Variants in CNTN4 observed in about 807,000 individuals in gnomAD.
CNTN4 encodes the protein contactin-4.
Under a neutral mutation model 122.5 loss-of-function variants are expected in CNTN4, and 77 were observed. That is an observed-to-expected ratio of 0.63 (90% CI 0.52 to 0.76). The LOEUF (loss-of-function observed/expected upper bound fraction) is 0.76. CNTN4 is among the 30% of genes least tolerant of loss of function. CNTN4 has a pLI of 0.00. For missense variants in CNTN4, 1,256 were observed against 1,259.1 expected, an observed-to-expected ratio of 1.00 and a Z score of 0.04; for synonymous variants, 512 against 447.0, an observed-to-expected ratio of 1.15 and a Z score of -1.83.
intron 3 of CNTN4, among the ~76,000 whole-genome samples, chr3:2,409,555 T>G: frequency 6.6e-6 from 1 of 152,148 alleles, no homozygotes; most frequent in Non-Finnish European, 1.5e-5. Context: ...CCTCTAGATA[T>G]CTTTTCAATA....
intron 15 of CNTN4, 149 bp from the exon 16 acceptor site, chr3:3,030,706 C>T (rs900929886): frequency 4.3e-6 from 4 of 931,502 alleles, no homozygotes; most frequent in Non-Finnish European, 6.8e-6. Flanking sequence ...CAGGCAGGCT[C>T]ACATATTTTT....
intron 3 of CNTN4, among the ~76,000 whole-genome samples, chr3:2,364,462 T>C (rs1410700663): frequency 6.6e-6 from 1 of 152,134 alleles, no homozygotes; most frequent in Non-Finnish European, 1.5e-5. Context: ...CTGGAATCTT[T>C]GGAAGTGTTG....
intron 13 of CNTN4, among the ~76,000 whole-genome samples, chr3:2,964,170 T>C (rs1332239650): frequency 2.0e-5 from 3 of 152,192 alleles, no homozygotes; most frequent in Non-Finnish European, 2.9e-5. Context: ...ACACAATATG[T>C]GAGCTTTTCC....
intron 14 of CNTN4, chr3:2,998,957 T>C (rs1186484194): frequency 1.3e-5 from 2 of 152,242 alleles, no homozygotes; most frequent in Non-Finnish European, 2.9e-5. Flanking sequence ...TAAAATTATG[T>C]TGTAATTATA....
At chr3:2,803,157 T>G (rs187678043) in intron 6 of CNTN4, among the ~76,000 whole-genome samples, 22 of 152,342 alleles carry the variant, frequency 1.4e-4, no homozygotes, top group African/African-American at 4.8e-4. Context: ...TCAGAATGAT[T>G]AAATGTGAAT....
chr3:2,211,304 C>T (rs575199772), intron 2 of CNTN4, among the ~76,000 whole-genome samples: 7 of 152,176 alleles, frequency 4.6e-5, no homozygotes, highest in South Asian at 2.1e-4. Context: ...TCCAAACACC[C>T]CACCAGGCCC....
intron 4 of CNTN4, among the ~76,000 whole-genome samples, chr3:2,686,649 G>A (rs111512388): frequency 2.6e-5 from 4 of 152,252 alleles, no homozygotes; most frequent in African/African-American, 7.2e-5. Flanking sequence ...CTATTTGTGT[G>A]TGTGTCTGTG....
At chr3:2,313,539 G>A (rs1314487460) in intron 2 of CNTN4, among the ~76,000 whole-genome samples, 5 of 151,938 alleles carry the variant, frequency 3.3e-5, no homozygotes, top group East Asian at 3.9e-4. Flanking sequence ...CCTTTACCAA[G>A]CAGCATAATT....
chr3:2,657,617 C>T (rs982250560), intron 4 of CNTN4, among the ~76,000 whole-genome samples: 3 of 152,192 alleles, frequency 2.0e-5, no homozygotes, highest in South Asian at 2.1e-4. Context: ...TGTAAACCTA[C>T]GTATTTAGCT....
chr3:3,011,982 A>G (rs567247944), intron 14 of CNTN4, among the ~76,000 whole-genome samples: 1 of 152,280 alleles, frequency 6.6e-6, no homozygotes, highest in East Asian at 1.9e-4. Context: ...ATATGCAACC[A>G]CAGGAATATT....
intron 9 of CNTN4, among the ~76,000 whole-genome samples, chr3:2,883,844 CT>C (rs2093939291): frequency 6.6e-6 from 1 of 152,214 alleles, no homozygotes; most frequent in South Asian, 2.1e-4. Context: ...AACTAGCTAA[CT>C]TTTCCTTACA....
chr3:3,011,400 TCA>T (rs1332699586), intron 14 of CNTN4, among the ~76,000 whole-genome samples: 5 of 152,162 alleles, frequency 3.3e-5, no homozygotes, highest in African/African-American at 1.2e-4. Flanking sequence ...TCAGCATTTT[TCA>T]CAGTGTCTGA....
At chr3:2,839,699 G>T (rs986292023) in intron 7 of CNTN4, among the ~76,000 whole-genome samples, 1 of 152,144 alleles carries the variant, frequency 6.6e-6, no homozygotes, top group Non-Finnish European at 1.5e-5. Flanking sequence ...TCAATAAGGG[G>T]CAGGGCATTG....
intron 8 of CNTN4, among the ~76,000 whole-genome samples, chr3:2,881,885 T>C (rs2093915145): frequency 6.6e-6 from 1 of 152,252 alleles, no homozygotes; most frequent in South Asian, 2.1e-4. Context: ...CCTCTGACTA[T>C]GGGAAGCCTA....
chr3:2,741,370 G>T (rs987403928), intron 5 of CNTN4, among the ~76,000 whole-genome samples: 1 of 152,116 alleles, frequency 6.6e-6, no homozygotes, highest in Admixed American at 6.6e-5. Flanking sequence ...GAGGGTGAAT[G>T]GTTCTTTCAT....
chr3:2,478,135 G>A (rs866059249), intron 3 of CNTN4, among the ~76,000 whole-genome samples: 23 of 152,126 alleles, frequency 1.5e-4, no homozygotes, highest in Non-Finnish European at 2.5e-4. Flanking sequence ...TAGATGATGC[G>A]TTGACTTGAA....
intron 4 of CNTN4, among the ~76,000 whole-genome samples, chr3:2,610,964 T>C (rs889723464): frequency 6.6e-6 from 1 of 152,110 alleles, no homozygotes; most frequent in African/African-American, 2.4e-5. Flanking sequence ...GTAAATAATT[T>C]TCCCTTTTTT....
At chr3:2,151,148 C>T (rs1475505900) in intron 2 of CNTN4, among the ~76,000 whole-genome samples, 1 of 152,152 alleles carries the variant, frequency 6.6e-6, no homozygotes, top group Non-Finnish European at 1.5e-5. Context: ...TGGTCTGGAA[C>T]TCCTGACCTC....
intron 3 of CNTN4, among the ~76,000 whole-genome samples, chr3:2,506,344 C>A (rs1014534743): frequency 6.6e-6 from 1 of 152,170 alleles, no homozygotes; most frequent in Non-Finnish European, 1.5e-5. Flanking sequence ...TGGAGCACCA[C>A]GTTAGTGAAA....
Sources: gnomAD v4.1 joint callset for allele counts (sites outside exome capture counted in the v4.1 genomes callset) on GRCh38, gnomAD v4.1.1 for gene constraint, MANE v1.5 for transcripts, NCBI Gene and HGNC (gene_info 2026-07-23, HGNC 2026-07-21) for gene names.